CXCL17: variants seen among roughly 807,000 people sequenced by gnomAD.
CXCL17 encodes the protein C-X-C motif chemokine ligand 17.
CXCL17 carries 9 observed loss-of-function variants against 15.5 expected under a neutral mutation model. The observed-to-expected ratio is 0.58, with a 90% CI of 0.35 to 1.01. The LOEUF (loss-of-function observed/expected upper bound fraction) is 1.01. Among genes scored for constraint, CXCL17 ranks in the 50% least tolerant of loss-of-function variants. The probability of loss-of-function intolerance (pLI) is 0.02; values close to 1 mark genes in which losing one functional copy is unlikely to be tolerated. For synonymous variants in CXCL17, 52 were observed against 52.3 expected (o/e 0.99, Z 0.02); for missense variants, 133 against 138.2 (o/e 0.96, Z 0.19).
chr19:42,438,548 A>G (rs1175296168), intron 1 of CXCL17, among the ~76,000 whole-genome samples: 1 of 151,330 alleles, frequency 6.6e-6, no homozygotes, highest in Non-Finnish European at 1.5e-5. Context: ...ACTGCGATTA[A>G]GTGGGGACTA....
chr19:42,438,406 A>ATATAT (rs1491327567), intron 1 of CXCL17, among the ~76,000 whole-genome samples: 15 of 107,100 alleles, frequency 1.4e-4, no homozygotes, highest in African/African-American at 5.6e-4. Flanking sequence ...ATATATATAT[A>ATATAT]AAATACACAC....
At chr19:42,439,275 GAAAAA>G (rs2040868861) in intron 1 of CXCL17, among the ~76,000 whole-genome samples, 1 of 109,702 alleles carries the variant, frequency 9.1e-6, no homozygotes, top group Non-Finnish European at 2.0e-5. Context: ...AAAAAAAAAA[GAAAAA>G]GAAAAAGGAA....
At chr19:42,435,018 A>G (rs531591210) in intron 1 of CXCL17, among the ~76,000 whole-genome samples, 22 of 151,936 alleles carry the variant, frequency 1.4e-4, no homozygotes, top group African/African-American at 5.3e-4. Flanking sequence ...TCTCTACTAA[A>G]AATACAAAAA....
intron 1 of CXCL17, among the ~76,000 whole-genome samples, chr19:42,441,521 G>T (rs1386101783): frequency 1.3e-5 from 2 of 152,188 alleles, no homozygotes; most frequent in Non-Finnish European, 2.9e-5. Flanking sequence ...TCTAGCCTGG[G>T]TGTCTGTCAT....
intron 1 of CXCL17, among the ~76,000 whole-genome samples, chr19:42,434,583 C>A (rs2040814805): frequency 6.6e-6 from 1 of 152,074 alleles, no homozygotes; most frequent in East Asian, 1.9e-4. Context: ...CATGCACCAC[C>A]ACTCCTGGCT....
chr19:42,434,184 A>G (rs765623977), intron 1 of CXCL17, among the ~76,000 whole-genome samples: 12 of 152,238 alleles, frequency 7.9e-5, no homozygotes, highest in Non-Finnish European at 1.3e-4. Flanking sequence ...TGGCCTATAC[A>G]TAAGCATATT....
At chr19:42,439,954 G>C (rs186931645) in intron 1 of CXCL17, among the ~76,000 whole-genome samples, 149 of 152,290 alleles carry the variant, frequency 9.8e-4, no homozygotes, top group African/African-American at 3.5e-3. Context: ...TAATATTATG[G>C]TATCAGTGCT....
intron 2 of CXCL17, 125 bp from the exon 3 acceptor site, chr19:42,433,202 T>G: frequency 1.5e-6 from 1 of 649,640 alleles, no homozygotes; most frequent in African/African-American, 1.8e-5. Context: ...GGAAAAGGGG[T>G]CAACAGAGAA....
At chr19:42,440,903 CAG>C (rs148593640) in intron 1 of CXCL17, among the ~76,000 whole-genome samples, 16,587 of 152,004 alleles carry the variant, frequency 0.11, 994 homozygotes, top group Middle Eastern at 0.2. Flanking sequence ...GCTGCCATAA[CAG>C]GGGTTTGGAT....
intron 1 of CXCL17, among the ~76,000 whole-genome samples, chr19:42,438,202 C>CA (rs1174648969): frequency 6.7e-6 from 1 of 150,146 alleles, no homozygotes; most frequent in African/African-American, 2.5e-5. Flanking sequence ...ACTAAAAATA[C>CA]AAAAAATTAG....
rs369744406 is a variant in CXCL17 at position 42,442,780 on chromosome 19, G to A, written c.53C>T (p.Ser18Phe). ...TGGATTCAGGCTGCTAGAGACCATG[G>A]ACATCAGCATTAGTGGCAGCAACAG... ...LLLLLPLMLM[S>F]MVSSSLNPGV... The change falls in exon 1 of 4, where the codon TCC (serine) becomes TTC (phenylalanine). Residue 18 changes from serine (S) to phenylalanine (F), a missense_variant. Ser to Phe is a radical substitution (Grantham distance 155). Coordinates refer to ENST00000601181, the MANE Select transcript of CXCL17 (RefSeq NM_198477.3). 7 of 1,613,044 alleles carry A rather than the reference G, an allele frequency of 4.3e-6. No homozygotes were observed. The African/African-American group carries it at 9.4e-5, about 22-fold the overall frequency.
Position 42,437,179 on chromosome 19 carries a change from C to A in CXCL17, c.80-3323G>T, listed in dbSNP as rs369119287. Among the ~76,000 whole-genome samples, 42 of 152,186 alleles carry A rather than the reference C, an allele frequency of 2.8e-4. No individual in the cohort carries two copies. The South Asian group carries it at 8.1e-3, about 29-fold the overall frequency. On this transcript the variant is annotated intron_variant, in intron 1 of 3. Transcript: ENST00000601181. ...CTTGAACTCTTAACCTCAAGTGATC[C>A]GCTCCCCTCGGCCTCCCAAAGCGTT...
chr19:42,436,943 A>G (rs1463577256), intron 1 of CXCL17, among the ~76,000 whole-genome samples: 1 of 152,006 alleles, frequency 6.6e-6, no homozygotes. Flanking sequence ...TTAATTATTT[A>G]TTTATTTTTT....
At chr19:42,434,983 TC>T (rs1188488091) in intron 1 of CXCL17, among the ~76,000 whole-genome samples, 1 of 151,690 alleles carries the variant, frequency 6.6e-6, no homozygotes, top group African/African-American at 2.4e-5. Context: ...GTCAAGACCA[TC>T]CTGGCTAACA....
In CXCL17 at chr19:42,442,894, G is replaced by A; in HGVS notation, c.-62C>T. ...TATAATGGAAGGTTCCCTGCTGGAG[G>A]CTCCTGATCCCTGGGGATGACTCAG... On this transcript the variant is annotated 5_prime_UTR_variant, in exon 1 of 4. Transcript: ENST00000601181. The A allele has an allele frequency of 1.5e-6, 2 of 1,304,564 alleles. No homozygotes were observed. Among genetic ancestry groups the A allele is most frequent in the South Asian group, 1.2e-5 (1 of 80,862 alleles). The allele number at this position is 1,304,564 out of a possible 1,614,324, so 80.8% of individuals were successfully genotyped here.
rs368857000 is a variant in CXCL17 at position 42,433,861 on chromosome 19, C to T, written c.80-5G>A. The stretch of plus-strand genomic sequence containing the variant: ...CCCTGTGGCCTCTGGCGACCCCTGT[C>T]GGAAGGAAACAGGTCACATCCAGAC... On this transcript the variant is annotated splice_polypyrimidine_tract_variant and splice_region_variant and intron_variant, in intron 1 of 3. Transcript: ENST00000601181. The T allele has an allele frequency of 9.3e-6, 15 of 1,612,722 alleles. No individual in the cohort carries two copies. Among genetic ancestry groups the T allele is most frequent in the African/African-American group, 5.3e-5 (4 of 74,878 alleles).
chr19:42,437,951 A>G (rs765962777), intron 1 of CXCL17, among the ~76,000 whole-genome samples: 1 of 152,174 alleles, frequency 6.6e-6, no homozygotes, highest in Non-Finnish European at 1.5e-5. Flanking sequence ...TTCAAGTCTC[A>G]GATAGTACCA....
chr19:42,430,525 C>T (rs1171092918), intron 3 of CXCL17, among the ~76,000 whole-genome samples: 3 of 147,978 alleles, frequency 2.0e-5, no homozygotes, highest in Non-Finnish European at 4.5e-5. Flanking sequence ...ACCCGGGAGG[C>T]GGAGGTTGCA....
At chr19:42,430,161 G>T (rs113508431) in intron 3 of CXCL17, among the ~76,000 whole-genome samples, 1 of 151,406 alleles carries the variant, frequency 6.6e-6, no homozygotes, top group African/African-American at 2.4e-5. Flanking sequence ...TCTCAACTGC[G>T]CCCCTCCCTC....
Sources: allele counts gnomAD v4.1 joint callset (sites outside exome capture counted in the v4.1 genomes callset), GRCh38; gene constraint gnomAD v4.1.1; transcripts MANE v1.5; gene names NCBI Gene and HGNC (gene_info 2026-07-23, HGNC 2026-07-21).